AGAP1: variants seen among roughly 807,000 people sequenced by gnomAD.
AGAP1 encodes the protein ArfGAP with GTPase domain, ankyrin repeat and PH domain 1.
In AGAP1, 29 loss-of-function variants were observed where a neutral mutation model predicts 105.3. The ratio of observed to expected loss-of-function variants is 0.28; its 90% confidence interval spans 0.21 to 0.38. AGAP1 has a LOEUF of 0.38. AGAP1 is among the 10% of genes least tolerant of loss of function. AGAP1 has a pLI of 1.00. For missense variants in AGAP1, 998 were observed against 1,165.1 expected (o/e 0.86, Z 2.09); for synonymous variants, 509 against 485.9 (o/e 1.05, Z -0.63).
At chr2:235,815,506 G>A (rs906169702) in intron 9 of AGAP1, among the ~76,000 whole-genome samples, 7 of 152,152 alleles carry the variant, frequency 4.6e-5, no homozygotes, top group African/African-American at 1.7e-4. Context: ...TTGGGGGGAC[G>A]TATTTCATCC....
rs889535417 is a variant in AGAP1, at chr2:236,126,845, T to C, written c.*2723T>C. ...TTTCAGTGTCTAACCAGAAGTCCTT[T>C]CTTTGCGGACCGCACTCTCGTTCCC... On this transcript the variant is annotated 3_prime_UTR_variant, in exon 18 of 18. Coordinates refer to ENST00000304032, the MANE Select transcript of AGAP1 (RefSeq NM_001037131.3). 6.6e-6 allele frequency: 1 copy of C among 152,228 alleles called. No individual in the cohort carries two copies. Among genetic ancestry groups the C allele is most frequent in the African/African-American group, 2.4e-5 (1 of 41,450 alleles). 9.4% of individuals were successfully genotyped at this position (152,228 alleles called of 1,614,324 possible).
chr2:235,541,947 A>G (rs981621371), intron 1 of AGAP1, among the ~76,000 whole-genome samples: 2 of 152,152 alleles, frequency 1.3e-5, no homozygotes, highest in African/African-American at 2.4e-5. Flanking sequence ...AATGAATTGC[A>G]TGGTATGACC....
In AGAP1 at chr2:236,046,921, C is replaced by G. The variant is rs1311219335; in HGVS notation, c.1892-2138C>G. On this transcript the variant is annotated intron_variant, in intron 15 of 17. Transcript: ENST00000304032. The surrounding 1 kb of genome is among the most constrained non-coding windows in gnomAD (Gnocchi z 5.2). Reference sequence around the variant, plus strand: ...GCCCAGGCAGGAGGATTGCTTGAGCCCAGTGGTTGAAGCCTGGGCAACATA... The same window carrying G: ...GCCCAGGCAGGAGGATTGCTTGAGCGCAGTGGTTGAAGCCTGGGCAACATA... 1.3e-5 allele frequency among the ~76,000 whole-genome samples: 2 copies of G among 152,106 alleles called. No homozygotes were observed. The highest frequency in any genetic ancestry group is 2.9e-5 in the Non-Finnish European group (2 of 68,018).
rs374720005 is a variant in AGAP1 at position 235,855,675 on chromosome 2, G to A, written c.1051-27670G>A. Among the ~76,000 whole-genome samples the A allele has an allele frequency of 1.3e-5, 2 of 152,230 alleles. No homozygotes were observed. Among genetic ancestry groups the A allele is most frequent in the Admixed American group, 6.5e-5 (1 of 15,292 alleles). The stretch of plus-strand genomic sequence containing the variant: ...TTATCTCCACTGTGCTGGGAAGACC[G>A]AGAGGCTGAGCAGCAGCTCCACTGA... On this transcript the variant is annotated intron_variant, in intron 9 of 17. Transcript: ENST00000304032. The surrounding 1 kb of genome is among the most constrained non-coding windows in gnomAD (Gnocchi z 5.0).
chr2:235,939,329 A>G (rs144108993), intron 12 of AGAP1, among the ~76,000 whole-genome samples: 1,655 of 151,960 alleles, frequency 0.011, 19 homozygotes, highest in Non-Finnish European at 0.016. Flanking sequence ...GCTTCCATGT[A>G]TGATCTGTTC....
intron 8 of AGAP1, among the ~76,000 whole-genome samples, chr2:235,804,937 G>A (rs1004643818): frequency 6.6e-6 from 1 of 152,216 alleles, no homozygotes; most frequent in African/African-American, 2.4e-5. Flanking sequence ...ACGGAAGGAT[G>A]TGCCATTAGT....
intron 13 of AGAP1, among the ~76,000 whole-genome samples, chr2:236,034,645 T>C (rs953585427): frequency 6.6e-6 from 1 of 152,154 alleles, no homozygotes; most frequent in Non-Finnish European, 1.5e-5. Context: ...CCAAAGACTC[T>C]TCTCTCCCCT....
In AGAP1 at chr2:236,121,715, T is replaced by C. The variant is rs1483971208; in HGVS notation, c.2370+1268T>C. 1.3e-5 allele frequency among the ~76,000 whole-genome samples: 2 copies of C among 152,216 alleles called. No homozygotes were observed. Among genetic ancestry groups the C allele is most frequent in the Non-Finnish European group, 2.9e-5 (2 of 68,036 alleles). On this transcript the variant is annotated intron_variant, in intron 17 of 17. Transcript: ENST00000304032. The surrounding 1 kb of genome is among the most constrained non-coding windows in gnomAD (Gnocchi z 4.9). Reference sequence around the variant, plus strand: ...GTCATACATGTGATGTAATGCACATTAAATAAGAGTTGTGTGTAGTGTGCT... The same window carrying C: ...GTCATACATGTGATGTAATGCACATCAAATAAGAGTTGTGTGTAGTGTGCT...
rs2054750144 is a variant in AGAP1, at chr2:235,973,782, C to T, written c.1645+5159C>T. On this transcript the variant is annotated intron_variant, in intron 13 of 17. Transcript: ENST00000304032. This position sits in a 1 kb window ranked among gnomAD's most constrained non-coding sequence, Gnocchi z 4.7. Reference sequence around the variant, plus strand: ...CACCTGAGAGGGAGTGACCCCGACCCTGCATGGGGTCGGCATGGGTTGGAC... The same window carrying T: ...CACCTGAGAGGGAGTGACCCCGACCTTGCATGGGGTCGGCATGGGTTGGAC... Among the ~76,000 whole-genome samples the T allele has an allele frequency of 6.6e-6, 1 of 152,190 alleles. No homozygotes were observed. Among genetic ancestry groups the T allele is most frequent in the African/African-American group, 2.4e-5 (1 of 41,452 alleles).
chr2:235,766,888 C>T (rs939114676), intron 6 of AGAP1, among the ~76,000 whole-genome samples: 6 of 148,892 alleles, frequency 4.0e-5, no homozygotes, highest in Middle Eastern at 7.0e-3. Flanking sequence ...ATTATATGTG[C>T]GTGCCACCAC....
In AGAP1 at chr2:235,494,684, A is replaced by T; in HGVS notation, c.-3A>T. The T allele has an allele frequency of 6.7e-7, 1 of 1,484,024 alleles. No individual in the cohort carries two copies. Among genetic ancestry groups the T allele is most frequent in the Non-Finnish European group, 9.0e-7 (1 of 1,108,876 alleles). 91.9% of individuals were successfully genotyped at this position (1,484,024 alleles called of 1,614,324 possible). On this transcript the variant is annotated 5_prime_UTR_variant, in exon 1 of 18. Coordinates refer to ENST00000304032, the MANE Select transcript of AGAP1 (RefSeq NM_001037131.3). ...GCGCGGCTCCGGGCGCGGCGCCTGC[A>T]CCATGAACTACCAGCAGCAGCTGGC...
intron 6 of AGAP1, among the ~76,000 whole-genome samples, chr2:235,765,808 A>G (rs1954904029): frequency 6.6e-6 from 1 of 152,134 alleles, no homozygotes; most frequent in South Asian, 2.1e-4. Context: ...TTGAACACCA[A>G]CATAGTCATC....
rs184106948 is a variant in AGAP1, at chr2:235,666,986, A to G, written c.164-42193A>G. Among the ~76,000 whole-genome samples, 11 of 152,180 alleles carry G rather than the reference A, an allele frequency of 7.2e-5. No individual in the cohort carries two copies. In the East Asian group the frequency reaches 9.7e-4, roughly 13 times the overall value. On this transcript the variant is annotated intron_variant, in intron 1 of 17. Transcript: ENST00000304032. ...ACCCTTGACAGTAGCAGAGATCTCT[A>G]TCTTTCCACGTTGCTGTTTGTTTCT... is the stretch of plus-strand genomic sequence containing the variant.
chr2:235,784,158 TA>T (rs1956460797), intron 6 of AGAP1, among the ~76,000 whole-genome samples: 1 of 152,142 alleles, frequency 6.6e-6, no homozygotes, highest in Admixed American at 6.5e-5. Context: ...GTTACTACAT[TA>T]AAAATGTCAT....
intron 13 of AGAP1, among the ~76,000 whole-genome samples, chr2:235,999,452 G>T (rs2055989661): frequency 6.7e-6 from 1 of 148,664 alleles, no homozygotes; most frequent in Admixed American, 6.7e-5. Context: ...TATAGTGGTG[G>T]TGACAATGGT....
At position 235,793,340 on chromosome 2, in the gene AGAP1, T is replaced by G. The variant is rs1455371355; in HGVS notation, c.674-4419T>G. On this transcript the variant is annotated intron_variant, in intron 6 of 17. Transcript: ENST00000304032. The surrounding 1 kb of genome is among the most constrained non-coding windows in gnomAD (Gnocchi z 5.3). The stretch of plus-strand genomic sequence containing the variant: ...TGCCAGTCACCACACTCAGTCCTTT[T>G]CAGCATTTTGTTTAGTTACCCAATC... Among the ~76,000 whole-genome samples, 2 of 152,202 alleles carry G rather than the reference T, an allele frequency of 1.3e-5. No homozygotes were observed. The highest frequency in any genetic ancestry group is 2.4e-5 in the African/African-American group (1 of 41,458).
chr2:235,729,951 A>G lies in AGAP1; in HGVS notation c.311-11012A>G, dbSNP rs928232442. ...TGGCCTTTTACACAGGCAGTTCGCC[A>G]GCCCCCTACCCTACAGTATGGAAAA... On this transcript the variant is annotated intron_variant, in intron 3 of 17. Transcript: ENST00000304032. The surrounding 1 kb of genome is among the most constrained non-coding windows in gnomAD (Gnocchi z 5.0). 6.6e-6 allele frequency among the ~76,000 whole-genome samples: 1 copy of G among 152,130 alleles called. No homozygotes were observed. Among genetic ancestry groups the G allele is most frequent in the Non-Finnish European group, 1.5e-5 (1 of 68,032 alleles).
At chr2:235,840,111 G>C (rs894708367) in intron 9 of AGAP1, among the ~76,000 whole-genome samples, 8 of 152,216 alleles carry the variant, frequency 5.3e-5, no homozygotes, top group African/African-American at 1.9e-4. Context: ...TGTGGTTTCT[G>C]TTTTTCCCCT....
At chr2:235,829,742 G>A (rs760090627) in intron 9 of AGAP1, among the ~76,000 whole-genome samples, 21 of 152,166 alleles carry the variant, frequency 1.4e-4, no homozygotes, top group Non-Finnish European at 2.8e-4. Flanking sequence ...TGATGGTATC[G>A]TCCATCCTTG....
Sources: allele counts gnomAD v4.1 joint callset (sites outside exome capture counted in the v4.1 genomes callset), GRCh38; gene constraint gnomAD v4.1.1; non-coding constraint Gnocchi (gnomAD v3.1); transcripts MANE v1.5; gene names NCBI Gene and HGNC (gene_info 2026-07-23, HGNC 2026-07-21).